UBR1: variants seen among roughly 807,000 people sequenced by gnomAD.
UBR1 encodes the protein ubiquitin protein ligase E3 component n-recognin 1.
UBR1 carries 102 observed loss-of-function variants against 242.1 expected under a neutral mutation model. That is an observed-to-expected ratio of 0.42 (90% CI 0.36 to 0.50). The LOEUF (loss-of-function observed/expected upper bound fraction) is 0.50. Among genes scored for constraint, UBR1 ranks in the 20% least tolerant of loss-of-function variants. The pLI is 0.01. For synonymous variants in UBR1, 675 were observed against 684.8 expected, an observed-to-expected ratio of 0.99 and a Z score of 0.22; for missense variants, 1,772 against 2,101.8, an observed-to-expected ratio of 0.84 and a Z score of 3.07.
At chr15:42,954,122 A>G (rs914933683) in intron 44 of UBR1, among the ~76,000 whole-genome samples, 7 of 152,088 alleles carry the variant, frequency 4.6e-5, no homozygotes, top group Admixed American at 4.6e-4. Context: ...TGAGTTCAAG[A>G]GATTCACCCA....
chr15:43,062,084 T>C (rs368184270), intron 6 of UBR1, among the ~76,000 whole-genome samples: 58 of 152,278 alleles, frequency 3.8e-4, no homozygotes, highest in African/African-American at 1.4e-3. Context: ...AAATGGTGGT[T>C]CCTCAAGAAA....
chr15:43,091,244 AC>A (rs2034102521), intron 1 of UBR1, among the ~76,000 whole-genome samples: 2 of 152,116 alleles, frequency 1.3e-5, no homozygotes, highest in Non-Finnish European at 2.9e-5. Context: ...GGCCAAATAT[AC>A]AGTTTTAAAA....
chr15:43,059,208 G>T lies in UBR1; in HGVS notation c.986-16C>A. 2 of 1,597,446 alleles carry T rather than the reference G, an allele frequency of 1.3e-6. No homozygotes were observed. Among genetic ancestry groups the T allele is most frequent in the African/African-American group, 1.3e-5 (1 of 74,664 alleles). On this transcript the variant is annotated splice_polypyrimidine_tract_variant and intron_variant, in intron 8 of 46. Coordinates refer to ENST00000290650, the MANE Select transcript of UBR1 (RefSeq NM_174916.3). ...CTAAAGTCACCTACAAACAAAAGAG[G>T]TCACACAGTTACACAACTTGTATTC...
intron 36 of UBR1, 132 bp downstream of exon 36, chr15:42,984,755 C>T (rs1567115839): frequency 1.2e-6 from 1 of 806,608 alleles, no homozygotes; most frequent in African/African-American, 1.7e-5. Flanking sequence ...GATGCAGTTC[C>T]TTTTTTCCCC....
chr15:43,017,308 T>C, intron 27 of UBR1, 127 bp from the exon 28 acceptor site: 1 of 704,530 alleles, frequency 1.4e-6, no homozygotes, highest in South Asian at 1.6e-5. Context: ...TATTTCAATA[T>C]ATGAAGAAAA....
chr15:42,988,914 A>G lies in UBR1; in HGVS notation c.3902T>C (p.Ile1301Thr). The G allele has an allele frequency of 2.5e-6, 4 of 1,612,290 alleles. No individual in the cohort carries two copies. The highest frequency in any genetic ancestry group is 3.4e-6 in the Non-Finnish European group (4 of 1,178,276). ...TGGCACTTTCAATCCAATTCTATAA[A>G]TTGTTGTGGCAAAGAGAATAACCAT... ...KEMVILFATTIYRIGLKVPPD... is the reference protein window; with the variant it reads ...KEMVILFATTTYRIGLKVPPD... Residue 1301 changes from isoleucine to threonine, a missense_variant, in exon 35 of 47, where the codon ATT (isoleucine) becomes ACT (threonine). By Grantham distance (89) the Ile-to-Thr change is moderately conservative. This residue lies in a region of UBR1 where 965 missense variants were observed against 1,079.7 expected (regional missense o/e 0.89). Coordinates refer to ENST00000290650, the MANE Select transcript of UBR1 (RefSeq NM_174916.3).
intron 12 of UBR1, among the ~76,000 whole-genome samples, chr15:43,049,798 C>T (rs1415485234): frequency 1.3e-5 from 2 of 152,078 alleles, no homozygotes; most frequent in Non-Finnish European, 2.9e-5. Context: ...TTAAAATCTG[C>T]CACATTGAAC....
intron 14 of UBR1, among the ~76,000 whole-genome samples, chr15:43,045,311 T>A (rs2033470840): frequency 1.3e-5 from 2 of 151,812 alleles, no homozygotes; most frequent in Non-Finnish European, 2.9e-5. Context: ...AATAAAAAAA[T>A]TAAAAATTAG....
chr15:43,037,083 C>A (rs1012737128), intron 17 of UBR1, among the ~76,000 whole-genome samples: 2 of 152,034 alleles, frequency 1.3e-5, no homozygotes, highest in African/African-American at 4.8e-5. Flanking sequence ...CTCAGTGGCT[C>A]ATGCCTGTAA....
chr15:42,976,331 T>C (rs905864602), intron 39 of UBR1, among the ~76,000 whole-genome samples: 28 of 152,158 alleles, frequency 1.8e-4, no homozygotes, highest in African/African-American at 6.7e-4. Context: ...TAATGATAAA[T>C]GCTACAAGGG....
At chr15:43,002,497 A>G in intron 32 of UBR1, 58 bp downstream of exon 32, 1 of 1,564,100 alleles carries the variant, frequency 6.4e-7, no homozygotes, top group Non-Finnish European at 8.7e-7. Context: ...CTGGGATCAC[A>G]GGCCACTGCA....
chr15:42,961,455 ACT>A (rs1320620738), intron 42 of UBR1, among the ~76,000 whole-genome samples: 2 of 110,290 alleles, frequency 1.8e-5, no homozygotes, highest in African/African-American at 7.3e-5. Flanking sequence ...ATGGAGTCTC[ACT>A]CTGTCACCCA....
intron 40 of UBR1, among the ~76,000 whole-genome samples, chr15:42,969,839 A>G (rs1324556993): frequency 1.3e-5 from 2 of 152,240 alleles, no homozygotes; most frequent in Admixed American, 1.3e-4. Context: ...CAAGGAAATA[A>G]GAGAGTACAC....
chr15:43,014,564 G>T (rs1314638785), intron 29 of UBR1, among the ~76,000 whole-genome samples: 1 of 147,762 alleles, frequency 6.8e-6, no homozygotes, highest in Non-Finnish European at 1.5e-5. Flanking sequence ...GCCTCTGCCC[G>T]GCCGCGACCC....
At chr15:42,994,808 G>A (rs1481286174) in intron 33 of UBR1, among the ~76,000 whole-genome samples, 1 of 152,126 alleles carries the variant, frequency 6.6e-6, no homozygotes, top group Non-Finnish European at 1.5e-5. Flanking sequence ...CTCTCACCAT[G>A]TCATGGTAGG....
intron 40 of UBR1, among the ~76,000 whole-genome samples, chr15:42,968,754 GA>G (rs1209589090): frequency 1.3e-5 from 2 of 152,004 alleles, no homozygotes; most frequent in Non-Finnish European, 2.9e-5. Flanking sequence ...TCCTACTTGT[GA>G]GAACATGCGG....
intron 3 of UBR1, among the ~76,000 whole-genome samples, chr15:43,075,473 TACATGTGCACA>T (rs2033876267): frequency 6.6e-6 from 1 of 152,164 alleles, no homozygotes; most frequent in South Asian, 2.1e-4. Context: ...AGTTTTAGGG[TACATGTGCACA>T]TTGTGCAGGT....
rs768271024 is a variant in UBR1, at chr15:42,952,387, T to C, written c.4897A>G (p.Ile1633Val). ...HPVLCLFCGA[I>V]LCSQNICCQE... ...CAGCAAATGTTCTGAGAACATAGTA[T>C]AGCCCCACAGAAAAGGCAGAGGACA... Residue 1633 changes from isoleucine to valine, a missense_variant, in exon 45 of 47, where the codon ATA (isoleucine) becomes GTA (valine). Ile to Val is a conservative substitution (Grantham distance 29). Transcript: ENST00000290650. 6.2e-7 allele frequency: 1 copy of C among 1,614,220 alleles called. No homozygotes were observed. The highest frequency in any genetic ancestry group is 1.1e-5 in the South Asian group (1 of 91,088).
At position 43,059,164 on chromosome 15, in the gene UBR1, T is replaced by C; in HGVS notation, c.1014A>G (p.Ala338=). Residue 338 remains alanine, a synonymous_variant, in exon 9 of 47, where the codon GCA becomes GCG. Transcript: ENST00000290650. The stretch of plus-strand genomic sequence containing the variant: ...CCGAGTCAGGTTCTTCTCTAAGGCA[T>C]GCTTGGCAAAAGATCTGCCTAAAGT... ...SSDFRQIFCQ[A]CLREEPDSEN... is the part of the protein sequence containing the mutation. 1.2e-6 allele frequency: 2 copies of C among 1,614,160 alleles called. No individual in the cohort carries two copies. Among genetic ancestry groups the C allele is most frequent in the Non-Finnish European group, 1.7e-6 (2 of 1,180,024 alleles).
Sources: gnomAD v4.1 joint callset for allele counts (sites outside exome capture counted in the v4.1 genomes callset) on GRCh38, gnomAD v4.1.1 for gene constraint, gnomAD v4.1.1 regional missense constraint, MANE v1.5 for transcripts, NCBI Gene and HGNC (gene_info 2026-07-23, HGNC 2026-07-21) for gene names.